Variants in TNR observed in about 807,000 individuals in gnomAD.
TNR encodes the protein tenascin-R.
Under a neutral mutation model 150.4 loss-of-function variants are expected in TNR, and 45 were observed. The ratio of observed to expected loss-of-function variants is 0.30; its 90% CI spans 0.24 to 0.38. TNR has a LOEUF of 0.38. TNR is among the 10% of genes least tolerant of loss of function. The probability of loss-of-function intolerance (pLI) is 1.00; values close to 1 mark genes in which losing one functional copy is unlikely to be tolerated. For synonymous variants in TNR, 687 were observed against 678.4 expected, an observed-to-expected ratio of 1.01 and a Z score of -0.20; for missense variants, 1,544 against 1,759.1, an observed-to-expected ratio of 0.88 and a Z score of 2.19.
intron 1 of TNR, among the ~76,000 whole-genome samples, chr1:175,604,557 A>G (rs1000180663): frequency 5.3e-5 from 8 of 152,232 alleles, no homozygotes; most frequent in African/African-American, 1.9e-4. Context: ...CTTGCTGCCC[A>G]GAGAGAAGGA....
intron 1 of TNR, among the ~76,000 whole-genome samples, chr1:175,689,985 A>G (rs917584143): frequency 2.0e-5 from 3 of 152,358 alleles, no homozygotes; most frequent in East Asian, 1.9e-4. Flanking sequence ...TTGTCACAAC[A>G]TTAAGTAGGA....
intron 1 of TNR, among the ~76,000 whole-genome samples, chr1:175,544,201 G>T (rs1660603164): frequency 6.6e-6 from 1 of 152,196 alleles, no homozygotes; most frequent in Non-Finnish European, 1.5e-5. Context: ...GGGAGATATT[G>T]CTTGCTGCAA....
At chr1:175,337,505 A>G in intron 19 of TNR, 23 bp downstream of exon 19, 1 of 1,612,110 alleles carries the variant, frequency 6.2e-7, no homozygotes, top group Non-Finnish European at 8.5e-7. Context: ...CTTCTGTGCA[A>G]GGAGAGCACA....
chr1:175,664,931 G>T (rs1665491244), intron 1 of TNR, among the ~76,000 whole-genome samples: 1 of 152,198 alleles, frequency 6.6e-6, no homozygotes, highest in African/African-American at 2.4e-5. Flanking sequence ...GAGTGAGTTT[G>T]CTTAGTGAAG....
intron 1 of TNR, among the ~76,000 whole-genome samples, chr1:175,596,665 G>A (rs12240162): frequency 9.5e-4 from 145 of 152,136 alleles, no homozygotes; most frequent in African/African-American, 3.2e-3. Flanking sequence ...ATCAGCCTCC[G>A]TTCAGCAACA....
At chr1:175,374,314 G>A (rs1185595782) in intron 9 of TNR, among the ~76,000 whole-genome samples, 1 of 152,192 alleles carries the variant, frequency 6.6e-6, no homozygotes, top group Non-Finnish European at 1.5e-5. Context: ...CTTGAAGGCG[G>A]CAACTCCCAA....
intron 1 of TNR, among the ~76,000 whole-genome samples, chr1:175,547,564 G>GGAAAGAAA (rs61602065): frequency 0.015 from 1,994 of 131,016 alleles, 11 homozygotes; most frequent in African/African-American, 0.021. Flanking sequence ...AAAGATAGAA[G>GGAAAGAAA]GAAAGAAAGA....
intron 2 of TNR, among the ~76,000 whole-genome samples, chr1:175,515,365 C>T (rs1659362821): frequency 6.6e-6 from 1 of 151,864 alleles, no homozygotes; most frequent in South Asian, 2.1e-4. Flanking sequence ...TTGAGCTCTG[C>T]CCTCAGATGC....
chr1:175,729,404 T>C (rs375564123), intron 1 of TNR, among the ~76,000 whole-genome samples: 2 of 147,194 alleles, frequency 1.4e-5, no homozygotes, highest in Admixed American at 6.8e-5. Context: ...TTCAAGTTTC[T>C]GGTGTAAGGC....
intron 8 of TNR, among the ~76,000 whole-genome samples, chr1:175,384,682 C>T (rs76698238): frequency 6.6e-6 from 1 of 152,136 alleles, no homozygotes; most frequent in African/African-American, 2.4e-5. Flanking sequence ...TCCCCTCTCT[C>T]GTGGGACAGG....
chr1:175,467,625 C>T (rs545190335), intron 2 of TNR, among the ~76,000 whole-genome samples: 3 of 152,100 alleles, frequency 2.0e-5, no homozygotes, highest in Middle Eastern at 3.4e-3. Context: ...GCCACCTGGA[C>T]CCAGGGGCTA....
intron 2 of TNR, among the ~76,000 whole-genome samples, chr1:175,437,844 C>T (rs1297864677): frequency 6.6e-5 from 10 of 152,116 alleles, no homozygotes; most frequent in Admixed American, 3.9e-4. Context: ...GTTGAATCTC[C>T]AAATAGACCA....
At chr1:175,439,210 A>G (rs1369648388) in intron 2 of TNR, among the ~76,000 whole-genome samples, 1 of 151,394 alleles carries the variant, frequency 6.6e-6, no homozygotes, top group African/African-American at 2.4e-5. Flanking sequence ...GAGCCCTCAG[A>G]AATAATGCCG....
intron 2 of TNR, among the ~76,000 whole-genome samples, chr1:175,481,282 A>C (rs906381826): frequency 2.6e-5 from 4 of 152,348 alleles, no homozygotes; most frequent in Admixed American, 2.0e-4. Context: ...GACGAGATTT[A>C]AGTATGTGGT....
intron 8 of TNR, among the ~76,000 whole-genome samples, chr1:175,382,630 G>A (rs925248319): frequency 1.3e-5 from 2 of 152,124 alleles, no homozygotes; most frequent in African/African-American, 2.4e-5. Flanking sequence ...CTCTGGGCAC[G>A]GTGGCTCACT....
chr1:175,451,738 T>C (rs1314860644), intron 2 of TNR, among the ~76,000 whole-genome samples: 2 of 152,186 alleles, frequency 1.3e-5, no homozygotes, highest in African/African-American at 4.8e-5. Flanking sequence ...CTTGGCAGGA[T>C]TGTAGCTCTT....
At chr1:175,617,055 T>G (rs767690716) in intron 1 of TNR, among the ~76,000 whole-genome samples, 2 of 152,250 alleles carry the variant, frequency 1.3e-5, no homozygotes, top group Non-Finnish European at 2.9e-5. Context: ...CCCACTCTGC[T>G]TCTTCCTTCC....
intron 18 of TNR, among the ~76,000 whole-genome samples, chr1:175,339,355 C>A (rs1017664079): frequency 1.3e-5 from 2 of 152,196 alleles, no homozygotes; most frequent in African/African-American, 4.8e-5. Flanking sequence ...ATGTTCAAAT[C>A]AAATATCCAT....
intron 1 of TNR, among the ~76,000 whole-genome samples, chr1:175,734,755 G>A (rs553071662): frequency 6.6e-6 from 1 of 152,212 alleles, no homozygotes; most frequent in African/African-American, 2.4e-5. Context: ...CGCAGAAAAG[G>A]GGAGTGCATC....
Sources: gnomAD v4.1 joint callset for allele counts (sites outside exome capture counted in the v4.1 genomes callset) on GRCh38, gnomAD v4.1.1 for gene constraint, MANE v1.5 for transcripts, NCBI Gene and HGNC (gene_info 2026-07-23, HGNC 2026-07-21) for gene names.